DST: variants seen among roughly 807,000 people sequenced by gnomAD.
The protein encoded by DST is dystonin.
In DST, 253 loss-of-function variants were observed where a neutral mutation model predicts 875.2. The observed-to-expected ratio is 0.29, with a 90% CI of 0.26 to 0.32. The LOEUF (loss-of-function observed/expected upper bound fraction) is 0.32, where lower values mean the gene tolerates loss of function less well. DST is among the 10% of genes least tolerant of loss of function. The pLI, the probability that DST is intolerant of heterozygous loss-of-function variation, is 1.00. For missense variants in DST, 8,287 were observed against 9,111.6 expected (o/e 0.91, Z 3.68); for synonymous variants, 3,124 against 3,197.1 (o/e 0.98, Z 0.77).
Position 56,847,375 on chromosome 6 carries a change from G to A in DST, c.625+4022C>T, listed in dbSNP as rs538107558. The stretch of plus-strand genomic sequence containing the variant: ...AATAAGAAGTGTTAAGACATGTGAC[G>A]CCTTCACTAATATGACTTTCCAAAC... On this transcript the variant is annotated intron_variant, in intron 4 of 103. Transcript: ENST00000680361. 5.9e-5 allele frequency among the ~76,000 whole-genome samples: 9 copies of A among 152,280 alleles called. No homozygotes were observed. The South Asian group carries it at 1.2e-3, about 21-fold the overall frequency.
chr6:56,622,632 A>G (rs1020834200), intron 36 of DST, among the ~76,000 whole-genome samples: 3 of 151,950 alleles, frequency 2.0e-5, no homozygotes, highest in African/African-American at 7.2e-5. Context: ...CAAATGTGAG[A>G]AAAATTACTA....
intron 5 of DST, among the ~76,000 whole-genome samples, chr6:56,725,246 A>C (rs1211705034): frequency 6.6e-6 from 1 of 152,196 alleles, no homozygotes; most frequent in Non-Finnish European, 1.5e-5. Context: ...AAAAGTAGGA[A>C]TATCTTAGAA....
At chr6:56,655,967 C>A (rs1403829639) in intron 10 of DST, among the ~76,000 whole-genome samples, 1 of 152,212 alleles carries the variant, frequency 6.6e-6, no homozygotes. Context: ...CAATATCTAG[C>A]ATAATGCTTA....
intron 89 of DST, 40 bp downstream of exon 89, chr6:56,482,643 T>G (rs760705285): frequency 6.3e-7 from 1 of 1,581,524 alleles, no homozygotes; most frequent in African/African-American, 1.4e-5. Flanking sequence ...GTTTCAATAC[T>G]TTTCCCATTA....
chr6:56,575,509 A>G (rs530857252), intron 50 of DST, among the ~76,000 whole-genome samples: 1 of 152,302 alleles, frequency 6.6e-6, no homozygotes, highest in South Asian at 2.1e-4. Context: ...TTCAGCCATA[A>G]TAAGTGACTT....
chr6:56,776,006 G>A (rs891928327), intron 4 of DST, among the ~76,000 whole-genome samples: 12 of 152,308 alleles, frequency 7.9e-5, no homozygotes, highest in African/African-American at 2.6e-4. Flanking sequence ...GGATGGGGGA[G>A]GAAAGAAACC....
chr6:56,492,082 C>T, intron 85 of DST, 145 bp downstream of exon 85: 1 of 751,188 alleles, frequency 1.3e-6, no homozygotes, highest in Non-Finnish European at 2.1e-6. Flanking sequence ...AGGCCACAGC[C>T]CTTTTAGGAA....
chr6:56,825,445 C>T (rs1200451391), intron 4 of DST, among the ~76,000 whole-genome samples: 1 of 146,540 alleles, frequency 6.8e-6, no homozygotes, highest in Non-Finnish European at 1.5e-5. Flanking sequence ...CACTATTGTC[C>T]TATGACCCTG....
intron 5 of DST, among the ~76,000 whole-genome samples, chr6:56,721,948 G>GT (rs1316080296): frequency 6.6e-6 from 1 of 152,150 alleles, no homozygotes; most frequent in African/African-American, 2.4e-5. Context: ...GGGCCATATA[G>GT]TATATAACCA....
intron 5 of DST, among the ~76,000 whole-genome samples, chr6:56,726,059 T>C (rs2099455326): frequency 6.6e-6 from 1 of 152,216 alleles, no homozygotes; most frequent in Non-Finnish European, 1.5e-5. Flanking sequence ...ATTTCAACAC[T>C]TTTGGAAATA....
chr6:56,928,675 T>C, intron 2 of DST, among the ~76,000 whole-genome samples: 1 of 152,206 alleles, frequency 6.6e-6, no homozygotes, highest in East Asian at 1.9e-4. Flanking sequence ...TTATTACACT[T>C]GGAAAACCCA....
chr6:56,835,851 T>C (rs1044385622), intron 4 of DST, among the ~76,000 whole-genome samples: 5 of 152,126 alleles, frequency 3.3e-5, no homozygotes, highest in Admixed American at 1.3e-4. Flanking sequence ...CCCACTAGAG[T>C]AAAATCAAGA....
rs533148676 is a variant in DST, at chr6:56,590,307, C to A, written c.12903+1875G>T. Among the ~76,000 whole-genome samples, 8 of 152,122 alleles carry A rather than the reference C, an allele frequency of 5.3e-5. No individual in the cohort carries two copies. In the East Asian group the frequency reaches 1.5e-3, roughly 29 times the overall value. ...ACCATCACATTCTTTGGGTTTTATT[C>A]TTTTTCTGCTCTAGTTATATAAAAA... On this transcript the variant is annotated intron_variant, in intron 49 of 103. Transcript: ENST00000680361.
intron 5 of DST, among the ~76,000 whole-genome samples, chr6:56,709,299 T>A (rs1381003742): frequency 6.6e-6 from 1 of 152,204 alleles, no homozygotes; most frequent in East Asian, 1.9e-4. Flanking sequence ...ATGCTGGCGA[T>A]GACATGGACA....
chr6:56,870,298 C>T (rs1449015404), intron 3 of DST, among the ~76,000 whole-genome samples: 8 of 152,064 alleles, frequency 5.3e-5, no homozygotes, highest in African/African-American at 1.7e-4. Flanking sequence ...AATCATCTAT[C>T]GCCTGAGAGC....
chr6:56,753,904 C>T (rs1014261461), intron 4 of DST, among the ~76,000 whole-genome samples: 4 of 152,212 alleles, frequency 2.6e-5, no homozygotes, highest in Admixed American at 6.6e-5. Context: ...ACCCTTAAAA[C>T]ACAACTGATT....
intron 3 of DST, chr6:56,871,375 G>C (rs759412639): frequency 9.6e-6 from 12 of 1,245,406 alleles, no homozygotes; most frequent in Non-Finnish European, 1.3e-5. Flanking sequence ...CCATTCCAAC[G>C]TTACAATGCT....
In DST at chr6:56,953,713, GCATATAAT is replaced by G. The variant is rs1413369941; in HGVS notation, c.216+64_216+71del. 1.7e-5 allele frequency: 19 copies of G among 1,100,624 alleles called. 1 individual carries two copies. Among genetic ancestry groups the G allele is most frequent in the Non-Finnish European group, 2.3e-5 (19 of 812,698 alleles). 68.2% of individuals were successfully genotyped at this position (1,100,624 alleles called of 1,614,324 possible). ...CAGTGTCCTACTGGTTTCTTAACAC[GCATATAAT>G]TAATATTGGTACTCAGGAAAGAGAA... On this transcript the variant is annotated intron_variant, in intron 2 of 103. Coordinates refer to ENST00000680361, the MANE Select transcript of DST (RefSeq NM_001374736.1).
At position 56,559,076 on chromosome 6, in the gene DST, C is replaced by T. The variant is rs112644482; in HGVS notation, c.14440+1218G>A. Among the ~76,000 whole-genome samples the T allele has an allele frequency of 3.9e-3, 590 of 152,228 alleles. 6 individuals are homozygous for T. The highest frequency in any genetic ancestry group is 0.014 in the African/African-American group (575 of 41,560). Reference sequence around the variant, plus strand: ...TTGAGAGAGTTTTCATTTAGCATAACACACTAAAGGGATGACTTTAATAGA... The same window carrying T: ...TTGAGAGAGTTTTCATTTAGCATAATACACTAAAGGGATGACTTTAATAGA... On this transcript the variant is annotated intron_variant, in intron 58 of 103. Transcript: ENST00000680361.
Sources: allele counts gnomAD v4.1 joint callset (sites outside exome capture counted in the v4.1 genomes callset), GRCh38; gene constraint gnomAD v4.1.1; transcripts MANE v1.5; gene names NCBI Gene and HGNC (gene_info 2026-07-23, HGNC 2026-07-21).